The following KLRG1 variants were observed in gnomAD, a reference collection of about 807,000 sequenced individuals.
The protein encoded by KLRG1 is killer cell lectin like receptor G1.
KLRG1 carries 16 observed loss-of-function variants against 21.8 expected under a neutral mutation model. The observed-to-expected ratio is 0.73, with a 90% CI of 0.50 to 1.11. The LOEUF is 1.11. KLRG1 is among the 50% of genes most tolerant of loss of function. The probability of loss-of-function intolerance (pLI) is 0.00; values close to 1 mark genes in which losing one functional copy is unlikely to be tolerated. For synonymous variants in KLRG1, 69 were observed against 75.9 expected (o/e 0.91, Z 0.47); for missense variants, 173 against 218.3 (o/e 0.79, Z 1.31).
the KLRG1 span, chr12:9,027,695 A>C: frequency 9.0e-7 from 1 of 1,109,278 alleles, no homozygotes; most frequent in African/African-American, 1.5e-5. Context: ...GATTGTTGTA[A>C]TTGCCAAAAT....
the KLRG1 span, chr12:9,192,281 A>G: frequency 6.2e-7 from 1 of 1,609,594 alleles, no homozygotes; most frequent in Non-Finnish European, 8.5e-7. Flanking sequence ...CAGTGAAGGA[A>G]ATTTCTTGAG....
At chr12:9,152,898 T>G in the KLRG1 span, 10 of 1,614,174 alleles carry the variant, frequency 6.2e-6, no homozygotes, top group Non-Finnish European at 8.5e-6. Flanking sequence ...TCTGCACTTT[T>G]AAAGCAAATG....
the KLRG1 span, chr12:9,101,477 C>T: frequency 6.2e-7 from 1 of 1,613,894 alleles, no homozygotes; most frequent in Non-Finnish European, 8.5e-7. Context: ...TCTTCAGCCC[C>T]AGCAGGGTGC....
intron 1 of KLRG1, among the ~76,000 whole-genome samples, chr12:8,961,395 A>T (rs1385419940): frequency 6.6e-6 from 1 of 152,066 alleles, no homozygotes; most frequent in Non-Finnish European, 1.5e-5. Context: ...ATAAAAAGAG[A>T]TGGCAATTTT....
At chr12:9,164,275 A>C in the KLRG1 span, 1 of 1,610,356 alleles carries the variant, frequency 6.2e-7, no homozygotes, top group Middle Eastern at 1.7e-4. Flanking sequence ...ACCCCATGTG[A>C]GGCAGAGACA....
At chr12:9,045,498 CA>C in the KLRG1 span, among the ~76,000 whole-genome samples, 4 of 151,828 alleles carry the variant, frequency 2.6e-5, no homozygotes, top group Non-Finnish European at 5.9e-5. Context: ...CTTTAAAAGG[CA>C]AAAAACACAT....
intron 1 of KLRG1, among the ~76,000 whole-genome samples, chr12:8,975,168 G>A (rs1484971540): frequency 1.3e-5 from 2 of 152,066 alleles, no homozygotes; most frequent in African/African-American, 2.4e-5. Flanking sequence ...CCAAAGTGCT[G>A]GGATTACAGG....
the KLRG1 span, among the ~76,000 whole-genome samples, chr12:9,027,335 CT>C: frequency 6.6e-6 from 1 of 151,954 alleles, no homozygotes; most frequent in East Asian, 1.9e-4. Context: ...CCAAAATAAC[CT>C]GTTATACAAT....
At chr12:9,149,502 G>C in the KLRG1 span, 1 of 1,471,964 alleles carries the variant, frequency 6.8e-7, no homozygotes, top group Non-Finnish European at 9.3e-7. Context: ...TAAATTGCAG[G>C]GGCCCTTGGA....
chr12:9,196,301 G>C, the KLRG1 span: 1 of 1,490,478 alleles, frequency 6.7e-7, no homozygotes, highest in African/African-American at 1.4e-5. Flanking sequence ...TGGATACTTT[G>C]CTTACCTGTG....
At chr12:9,068,924 T>G in the KLRG1 span, 44 of 1,010,758 alleles carry the variant, frequency 4.4e-5, no homozygotes, top group South Asian at 1.9e-4. Context: ...ACCTGTTTTT[T>G]GGGGGAAAAG....
the KLRG1 span, among the ~76,000 whole-genome samples, chr12:9,120,852 C>CATGTGTGT: frequency 0.017 from 2,490 of 143,456 alleles, 26 homozygotes; most frequent in Middle Eastern, 0.039. Context: ...ATCCCACTAA[C>CATGTGTGT]GTGTGTGTGT....
the KLRG1 span, chr12:9,091,297 G>A: frequency 6.2e-7 from 1 of 1,614,140 alleles, no homozygotes; most frequent in Non-Finnish European, 8.5e-7. Context: ...CCACAAAGAA[G>A]GGCTGGAAGG....
At chr12:8,981,277 T>A (rs1946750789) in intron 1 of KLRG1, among the ~76,000 whole-genome samples, 1 of 152,146 alleles carries the variant, frequency 6.6e-6, no homozygotes, top group Non-Finnish European at 1.5e-5. Context: ...TTTTCCATTT[T>A]AAAATTCTGT....
At chr12:9,113,331 A>G in the KLRG1 span, 1 of 1,608,864 alleles carries the variant, frequency 6.2e-7, no homozygotes, top group Non-Finnish European at 8.5e-7. Flanking sequence ...AAAAGAACCA[A>G]GTATATTAAG....
chr12:8,956,153 C>T (rs1200393967), intron 1 of KLRG1, among the ~76,000 whole-genome samples: 1 of 152,198 alleles, frequency 6.6e-6, no homozygotes, highest in African/African-American at 2.4e-5. Context: ...GAACTCGGGA[C>T]CTGCCGAACA....
At chr12:9,202,362 C>T in the KLRG1 span, 140 of 1,613,994 alleles carry the variant, frequency 8.7e-5, no homozygotes, top group Non-Finnish European at 1.1e-4. Context: ...GGAGACAACA[C>T]GGAATCTTAC....
the KLRG1 span, chr12:9,077,998 T>C: frequency 4.2e-6 from 4 of 951,672 alleles, no homozygotes; most frequent in Admixed American, 2.4e-5. Context: ...GATTAATCTT[T>C]AGTCTGCCTG....
the KLRG1 span, chr12:9,069,744 C>G: frequency 6.2e-7 from 1 of 1,611,184 alleles, no homozygotes. Flanking sequence ...AGTTCTCTTA[C>G]CTTATCAAGG....
Sources: gnomAD v4.1 joint callset for allele counts (sites outside exome capture counted in the v4.1 genomes callset) on GRCh38, gnomAD v4.1.1 for gene constraint, MANE v1.5 for transcripts, NCBI Gene and HGNC (gene_info 2026-07-23, HGNC 2026-07-21) for gene names.